RBFOX1: variants seen among roughly 807,000 people sequenced by gnomAD.
The protein encoded by RBFOX1 is RNA binding protein fox-1 homolog 1.
Under a neutral mutation model 57.7 loss-of-function variants are expected in RBFOX1, and 8 were observed. That is an observed-to-expected ratio of 0.14 (90% CI 0.08 to 0.25). RBFOX1 has a LOEUF of 0.25. Ranked by LOEUF, RBFOX1 falls within the 10% of genes least tolerant of loss-of-function variation. RBFOX1 has a pLI of 1.00. For missense variants in RBFOX1, 611 were observed against 548.5 expected, an observed-to-expected ratio of 1.11 and a Z score of -1.14; for synonymous variants, 326 against 222.4, an observed-to-expected ratio of 1.47 and a Z score of -4.15.
At chr16:5,383,273 A>C (rs368521222) in intron 1 of RBFOX1, among the ~76,000 whole-genome samples, 1 of 152,134 alleles carries the variant, frequency 6.6e-6, no homozygotes, top group African/African-American at 2.4e-5. Flanking sequence ...AGTGGCGCCC[A>C]CTGGTGTGGG....
intron 4 of RBFOX1, among the ~76,000 whole-genome samples, chr16:7,363,268 C>A (rs1437566720): frequency 1.3e-5 from 2 of 152,150 alleles, no homozygotes; most frequent in East Asian, 3.9e-4. Context: ...GGAAAACCTC[C>A]AGATAAACCT....
intron 2 of RBFOX1, among the ~76,000 whole-genome samples, chr16:6,602,268 G>A (rs1238069620): frequency 6.6e-6 from 1 of 152,060 alleles, no homozygotes; most frequent in East Asian, 1.9e-4. Flanking sequence ...CATTCAGTGG[G>A]TTGCCTTTTC....
chr16:7,482,541 G>GTT (rs1567418090), intron 4 of RBFOX1, among the ~76,000 whole-genome samples: 2 of 122,760 alleles, frequency 1.6e-5, no homozygotes, highest in African/African-American at 6.9e-5. Flanking sequence ...GATTGCCTGG[G>GTT]ATTTTTTTTT....
At chr16:5,320,166 G>A (rs1246545881) in intron 1 of RBFOX1, among the ~76,000 whole-genome samples, 6 of 152,178 alleles carry the variant, frequency 3.9e-5, no homozygotes, top group East Asian at 3.8e-4. Flanking sequence ...ATAGGTGTGC[G>A]TGTAACCAGG....
At chr16:5,674,279 A>C (rs2050101871) in intron 3 of RBFOX1, among the ~76,000 whole-genome samples, 1 of 152,242 alleles carries the variant, frequency 6.6e-6, no homozygotes, top group Admixed American at 6.5e-5. Flanking sequence ...GGTTCAGAGA[A>C]GCTGTTTCTG....
At chr16:6,797,630 G>T (rs1336194791) in intron 3 of RBFOX1, among the ~76,000 whole-genome samples, 2 of 151,998 alleles carry the variant, frequency 1.3e-5, no homozygotes, top group African/African-American at 4.8e-5. Flanking sequence ...TAGCATACTG[G>T]GCACTGTATC....
intron 3 of RBFOX1, among the ~76,000 whole-genome samples, chr16:6,726,538 C>G (rs1490967610): frequency 2.0e-5 from 3 of 151,994 alleles, no homozygotes; most frequent in Non-Finnish European, 4.4e-5. Flanking sequence ...TGGACATGTT[C>G]AGGTTCTTGT....
At chr16:7,170,196 T>C (rs545752516) in intron 4 of RBFOX1, among the ~76,000 whole-genome samples, 20 of 152,350 alleles carry the variant, frequency 1.3e-4, no homozygotes, top group Admixed American at 3.9e-4. Flanking sequence ...TGTAGCATGA[T>C]GACCAGATTA....
intron 15 of RBFOX1, chr16:7,710,293 G>C (rs1176476551): frequency 8.8e-7 from 1 of 1,142,286 alleles, no homozygotes; most frequent in African/African-American, 1.6e-5. Context: ...TCAACAACTG[G>C]TCCAAATTCA....
At chr16:7,016,348 C>G (rs1280592121) in intron 3 of RBFOX1, among the ~76,000 whole-genome samples, 1 of 152,150 alleles carries the variant, frequency 6.6e-6, no homozygotes, top group African/African-American at 2.4e-5. Context: ...ATGGTATAAA[C>G]TAGCCTATAG....
intron 3 of RBFOX1, among the ~76,000 whole-genome samples, chr16:5,673,271 A>G (rs1763978657): frequency 6.6e-6 from 1 of 152,138 alleles, no homozygotes; most frequent in Admixed American, 6.5e-5. Flanking sequence ...AACCCACATT[A>G]CAGGGTCAGA....
At position 5,773,400 on chromosome 16, in the gene RBFOX1, T is replaced by C. The variant is rs560155990; in HGVS notation, c.319-93903T>C. Among the ~76,000 whole-genome samples, 7 of 152,340 alleles carry C rather than the reference T, an allele frequency of 4.6e-5. No homozygotes were observed. In the East Asian group the frequency reaches 1.3e-3, roughly 29 times the overall value. On this transcript the variant is annotated intron_variant, in intron 3 of 19. Coordinates refer to the RBFOX1 transcript ENST00000641259. The stretch of plus-strand genomic sequence containing the variant: ...CATCCATACACACACATTGTTTACA[T>C]AAATGAGATCATAGTATGCATATTG...
intron 3 of RBFOX1, among the ~76,000 whole-genome samples, chr16:7,026,576 C>T (rs563821677): frequency 9.2e-5 from 14 of 152,150 alleles, no homozygotes; most frequent in Non-Finnish European, 1.8e-4. Flanking sequence ...CGTCCCCTCT[C>T]CTGGCAGCTG....
At chr16:5,671,084 C>G (rs1350969679) in intron 3 of RBFOX1, among the ~76,000 whole-genome samples, 1 of 152,210 alleles carries the variant, frequency 6.6e-6, no homozygotes, top group Non-Finnish European at 1.5e-5. Context: ...CTCACACAAA[C>G]CAGAGAAACA....
chr16:7,355,943 A>G (rs1446886739), intron 4 of RBFOX1, among the ~76,000 whole-genome samples: 1 of 152,216 alleles, frequency 6.6e-6, no homozygotes, highest in Non-Finnish European at 1.5e-5. Flanking sequence ...CAAGGCCAAA[A>G]ACCATATTTT....
chr16:5,873,710 C>T (rs1417807557), intron 4 of RBFOX1, among the ~76,000 whole-genome samples: 1 of 152,160 alleles, frequency 6.6e-6, no homozygotes, highest in Non-Finnish European at 1.5e-5. Context: ...CTCATGAGGA[C>T]TGATGTTGTC....
intron 1 of RBFOX1, among the ~76,000 whole-genome samples, chr16:6,166,711 CTT>C (rs2096920209): frequency 1.3e-5 from 2 of 152,150 alleles, no homozygotes; most frequent in South Asian, 2.1e-4. Context: ...CCAGTTACCT[CTT>C]TGGTGGGAGT....
chr16:6,555,026 A>T (rs1235199911), intron 2 of RBFOX1, among the ~76,000 whole-genome samples: 1 of 152,030 alleles, frequency 6.6e-6, no homozygotes, highest in Non-Finnish European at 1.5e-5. Context: ...GCATGGAGGA[A>T]TGAGAAGCTG....
intron 4 of RBFOX1, among the ~76,000 whole-genome samples, chr16:7,169,653 C>G (rs80181682): frequency 0.013 from 1,907 of 152,348 alleles, 22 homozygotes; most frequent in Non-Finnish European, 0.021. Flanking sequence ...GAGTGAATGA[C>G]AGAACCAAAT....
Sources: allele counts gnomAD v4.1 joint callset (sites outside exome capture counted in the v4.1 genomes callset), GRCh38; gene constraint gnomAD v4.1.1; transcripts MANE v1.5; gene names NCBI Gene and HGNC (gene_info 2026-07-23, HGNC 2026-07-21).